The following PRDM5 variants were observed in gnomAD, a reference collection of about 807,000 sequenced individuals.
PRDM5 encodes PR/SET domain 5.
In PRDM5, 56 loss-of-function variants were observed where a neutral mutation model predicts 81.2. The observed-to-expected ratio is 0.69, with a 90% CI of 0.56 to 0.86. The LOEUF is 0.86. Ranked by LOEUF, PRDM5 falls within the 40% of genes least tolerant of loss-of-function variation. The probability of loss-of-function intolerance (pLI) is 0.00; values close to 1 mark genes in which losing one functional copy is unlikely to be tolerated. For synonymous variants in PRDM5, 267 were observed against 256.4 expected, an observed-to-expected ratio of 1.04 and a Z score of -0.39; for missense variants, 697 against 770.1, an observed-to-expected ratio of 0.91 and a Z score of 1.12.
intron 14 of PRDM5, 95 bp downstream of exon 14, chr4:120,754,458 A>G (rs1744431467): frequency 1.2e-6 from 1 of 809,316 alleles, no homozygotes; most frequent in Admixed American, 2.2e-5. Flanking sequence ...CTTCCAGTGT[A>G]TTGCCTTTAT....
At chr4:120,905,025 T>G (rs183439157) in intron 2 of PRDM5, among the ~76,000 whole-genome samples, 2 of 152,182 alleles carry the variant, frequency 1.3e-5, no homozygotes, top group Non-Finnish European at 2.9e-5. Context: ...AAAACCTTCA[T>G]AGTAAAAGAA....
At chr4:120,865,621 G>T (rs74639910) in intron 2 of PRDM5, among the ~76,000 whole-genome samples, 1,730 of 152,306 alleles carry the variant, frequency 0.011, 16 homozygotes, top group Non-Finnish European at 0.018. Flanking sequence ...ATTTGCTCGA[G>T]GTCAGATGAC....
intron 1 of PRDM5, among the ~76,000 whole-genome samples, chr4:120,921,507 G>C (rs2148727122): frequency 6.6e-6 from 1 of 152,150 alleles, no homozygotes; most frequent in East Asian, 1.9e-4. Flanking sequence ...CTTTAGGTCA[G>C]AGGCAAAGGG....
chr4:120,730,916 G>A (rs1391026097), intron 14 of PRDM5, among the ~76,000 whole-genome samples: 1 of 152,140 alleles, frequency 6.6e-6, no homozygotes, highest in Non-Finnish European at 1.5e-5. Context: ...TGTTACAAAT[G>A]GGGCTGCCCA....
chr4:120,757,845 C>G (rs965125001), intron 13 of PRDM5, among the ~76,000 whole-genome samples: 1 of 150,790 alleles, frequency 6.6e-6, no homozygotes, highest in Non-Finnish European at 1.5e-5. Flanking sequence ...TTCTCTCCTC[C>G]TCTTCCTCCT....
In PRDM5 at chr4:120,694,985, A is replaced by G; in HGVS notation, c.*126T>C. 8.8e-7 allele frequency: 1 copy of G among 1,134,224 alleles called. No homozygotes were observed. The highest frequency in any genetic ancestry group is 1.3e-6 in the Non-Finnish European group (1 of 757,360). The allele number at this position is 1,134,224 out of a possible 1,614,324, so 70.3% of individuals were successfully genotyped here. A position where few individuals can be genotyped will look rare whatever the true frequency, so the allele number is the denominator to read the frequency against. On this transcript the variant is annotated 3_prime_UTR_variant, in exon 16 of 16. Coordinates refer to ENST00000264808, the MANE Select transcript of PRDM5 (RefSeq NM_018699.4). ...ATATGCATCTACAGACTCTAAATGTAGGCAAATAAGAACTATGAGACCAGT... is the reference window on the plus strand; with the variant it reads ...ATATGCATCTACAGACTCTAAATGTGGGCAAATAAGAACTATGAGACCAGT...
At chr4:120,758,221 TATATCTATAA>T (rs1352830654) in intron 13 of PRDM5, among the ~76,000 whole-genome samples, 3 of 152,160 alleles carry the variant, frequency 2.0e-5, no homozygotes, top group Non-Finnish European at 4.4e-5. Flanking sequence ...TCATATATAA[TATATCTATAA>T]ATATGCTATT....
intron 2 of PRDM5, among the ~76,000 whole-genome samples, chr4:120,872,397 A>G (rs1451471696): frequency 6.6e-6 from 1 of 152,168 alleles, no homozygotes; most frequent in African/African-American, 2.4e-5. Context: ...ATTGCACACT[A>G]CAGCACAGAA....
chr4:120,917,590 G>C (rs939407270), intron 1 of PRDM5, among the ~76,000 whole-genome samples: 2 of 151,490 alleles, frequency 1.3e-5, no homozygotes, highest in African/African-American at 4.9e-5. Context: ...GGCATATAGA[G>C]TGATAAAGAT....
chr4:120,849,796 C>T (rs983243527), intron 3 of PRDM5, among the ~76,000 whole-genome samples: 1 of 151,938 alleles, frequency 6.6e-6, no homozygotes, highest in Admixed American at 6.6e-5. Flanking sequence ...TTTAGTGCAA[C>T]AAAATTAGCA....
chr4:120,707,278 G>C (rs754910945), intron 15 of PRDM5, among the ~76,000 whole-genome samples: 3 of 151,320 alleles, frequency 2.0e-5, no homozygotes, highest in Non-Finnish European at 4.4e-5. Context: ...GGTTCGAATA[G>C]GAAAATCAAA....
chr4:120,753,615 T>G (rs1744308301), intron 14 of PRDM5, among the ~76,000 whole-genome samples: 1 of 152,172 alleles, frequency 6.6e-6, no homozygotes, highest in Non-Finnish European at 1.5e-5. Flanking sequence ...CTCTAAAATT[T>G]TTATTTTATA....
chr4:120,892,068 C>A (rs904622509), intron 2 of PRDM5, among the ~76,000 whole-genome samples: 4 of 152,164 alleles, frequency 2.6e-5, no homozygotes, highest in African/African-American at 9.7e-5. Flanking sequence ...ATTGTTTATA[C>A]AAAAGTCATT....
chr4:120,888,768 CTTTTT>C (rs1235815965), intron 2 of PRDM5, among the ~76,000 whole-genome samples: 1 of 152,116 alleles, frequency 6.6e-6, no homozygotes, highest in Non-Finnish European at 1.5e-5. Flanking sequence ...TTGACATTGT[CTTTTT>C]AATTTTAGTC....
At chr4:120,869,029 C>T (rs1761505137) in intron 2 of PRDM5, among the ~76,000 whole-genome samples, 1 of 152,106 alleles carries the variant, frequency 6.6e-6, no homozygotes, top group African/African-American at 2.4e-5. Context: ...AAAACTACTA[C>T]CTTAAATGCA....
chr4:120,766,026 C>G (rs983265345), intron 13 of PRDM5, among the ~76,000 whole-genome samples: 6 of 149,414 alleles, frequency 4.0e-5, no homozygotes, highest in Admixed American at 6.7e-5. Flanking sequence ...ATGGCACGAT[C>G]TCAGCTCACT....
intron 2 of PRDM5, among the ~76,000 whole-genome samples, chr4:120,895,299 T>C (rs1304757948): frequency 1.3e-5 from 2 of 152,040 alleles, no homozygotes; most frequent in Non-Finnish European, 2.9e-5. Flanking sequence ...GTAGAGATGT[T>C]TTTTCCACTG....
rs116175492 is a variant in PRDM5, at chr4:120,840,294, G to A, written c.300+13124C>T. ...GGCCCTGTGCTCAGGGACAGCCTGG[G>A]GCTCCCCGTCATTTGGCTCAGGGCC... On this transcript the variant is annotated intron_variant, in intron 3 of 15. Transcript: ENST00000264808. 3.1e-3 allele frequency among the ~76,000 whole-genome samples: 475 copies of A among 152,276 alleles called. 3 individuals are homozygous for A. Among genetic ancestry groups the A allele is most frequent in the African/African-American group, 0.011 (453 of 41,550 alleles).
rs1725123208 is a variant in PRDM5, at chr4:120,922,656, G to C, written c.-48C>G. 6.4e-7 allele frequency: 1 copy of C among 1,564,268 alleles called. No individual in the cohort carries two copies. Among genetic ancestry groups the C allele is most frequent in the African/African-American group, 1.4e-5 (1 of 73,294 alleles). On this transcript the variant is annotated 5_prime_UTR_variant, in exon 1 of 16. Coordinates refer to ENST00000264808, the MANE Select transcript of PRDM5 (RefSeq NM_018699.4). ...GCCTCTCTCAACACCGGCGCTTAGC[G>C]CCCGGCAGGCGGCACATCGAAATTT...
Sources: gnomAD v4.1 joint callset for allele counts (sites outside exome capture counted in the v4.1 genomes callset) on GRCh38, gnomAD v4.1.1 for gene constraint, MANE v1.5 for transcripts, NCBI Gene and HGNC (gene_info 2026-07-23, HGNC 2026-07-21) for gene names.